Variants in SIM1 observed in about 807,000 individuals in gnomAD.
SIM1 encodes the protein single-minded homolog 1.
Under a neutral mutation model 78.2 loss-of-function variants are expected in SIM1, and 18 were observed. The ratio of observed to expected loss-of-function variants is 0.23; its 90% confidence interval spans 0.16 to 0.34. The LOEUF is 0.34. SIM1 is among the 10% of genes least tolerant of loss of function. The pLI, the probability that SIM1 is intolerant of heterozygous loss-of-function variation, is 1.00. For synonymous variants in SIM1, 417 were observed against 385.2 expected, an observed-to-expected ratio of 1.08 and a Z score of -0.97; for missense variants, 939 against 975.1, an observed-to-expected ratio of 0.96 and a Z score of 0.49.
intron 10 of SIM1, among the ~76,000 whole-genome samples, chr6:100,412,595 GAAA>G (rs1562239535): frequency 5.7e-4 from 51 of 89,276 alleles, no homozygotes; most frequent in Admixed American, 8.5e-4. Context: ...AAGAAAGAAA[GAAA>G]GAAAGAAAGA....
intron 10 of SIM1, among the ~76,000 whole-genome samples, chr6:100,407,276 T>C (rs1771074545): frequency 6.6e-6 from 1 of 152,188 alleles, no homozygotes; most frequent in African/African-American, 2.4e-5. Context: ...TTCATTTACT[T>C]TGTTGCAAAT....
intron 9 of SIM1, among the ~76,000 whole-genome samples, chr6:100,429,933 G>C (rs970480184): frequency 3.3e-5 from 5 of 152,106 alleles, no homozygotes; most frequent in African/African-American, 1.2e-4. Flanking sequence ...CTGTCTCAGT[G>C]CCTGCATGTT....
At chr6:100,446,217 G>T (rs1772349171) in intron 9 of SIM1, among the ~76,000 whole-genome samples, 1 of 152,004 alleles carries the variant, frequency 6.6e-6, no homozygotes, top group East Asian at 1.9e-4. Flanking sequence ...TTTTAATTTG[G>T]CAATTTAAAA....
chr6:100,453,955 C>T (rs1772582034), intron 2 of SIM1, 111 bp from the exon 3 acceptor site: 1 of 656,598 alleles, frequency 1.5e-6, no homozygotes, highest in African/African-American at 1.9e-5. Context: ...GACTGGATAC[C>T]ATAGGGGATC....
Position 100,450,341 on chromosome 6 carries a change from T to A in SIM1, c.274A>T (p.Ile92Phe). 1 of 1,614,034 alleles carries A rather than the reference T, an allele frequency of 6.2e-7. No individual in the cohort carries two copies. The highest frequency in any genetic ancestry group is 8.5e-7 in the Non-Finnish European group (1 of 1,180,000). The change falls in exon 4 of 12, where the codon ATC (isoleucine) becomes TTC (phenylalanine). Residue 92 changes from isoleucine (I) to phenylalanine (F), a missense_variant. By Grantham distance (21) the Ile-to-Phe change is conservative. Transcript: ENST00000369208. ...TTCCCATCTGGGGCTACCACGAAGATGAAGCCATCCAGGGTCTGGGGAGGC... is the reference window on the plus strand; with the variant it reads ...TTCCCATCTGGGGCTACCACGAAGAAGAAGCCATCCAGGGTCTGGGGAGGC... ...SHLLQTLDGFIFVVAPDGKIM... is the reference protein window; with the variant it reads ...SHLLQTLDGFFFVVAPDGKIM...
chr6:100,412,392 C>T (rs1771212213), intron 10 of SIM1, among the ~76,000 whole-genome samples: 1 of 151,288 alleles, frequency 6.6e-6, no homozygotes, highest in Admixed American at 6.6e-5. Context: ...CAAAAATTAG[C>T]CAGCCGTGGT....
intron 4 of SIM1, 35 bp from the exon 5 acceptor site, chr6:100,449,734 G>T: frequency 6.5e-7 from 1 of 1,548,358 alleles, no homozygotes; most frequent in Non-Finnish European, 8.9e-7. Context: ...CGCCGTGGCG[G>T]TGGAATGCCC....
chr6:100,457,032 G>C (rs1398839559), intron 2 of SIM1, among the ~76,000 whole-genome samples: 1 of 152,180 alleles, frequency 6.6e-6, no homozygotes, highest in Non-Finnish European at 1.5e-5. Context: ...ATGAGCCCCA[G>C]TCTAGTGTGA....
chr6:100,394,652 G>A (rs1271804157), intron 10 of SIM1, among the ~76,000 whole-genome samples: 1 of 151,976 alleles, frequency 6.6e-6, no homozygotes. Context: ...CAATTCTCCC[G>A]CCTCAGCCTT....
intron 3 of SIM1, among the ~76,000 whole-genome samples, chr6:100,452,015 G>A (rs552097520): frequency 6.6e-6 from 1 of 152,306 alleles, no homozygotes; most frequent in South Asian, 2.1e-4. Flanking sequence ...TGGCCTTGAA[G>A]CTGTAACAGG....
At chr6:100,436,093 A>T (rs1234284628) in intron 9 of SIM1, among the ~76,000 whole-genome samples, 2 of 152,108 alleles carry the variant, frequency 1.3e-5, no homozygotes, top group Non-Finnish European at 2.9e-5. Context: ...AAAGCAGTCT[A>T]ACCACACCTG....
At chr6:100,463,201 TATGC>T (rs1562067048) in intron 2 of SIM1, 89 bp downstream of exon 2, 9 of 259,290 alleles carry the variant, frequency 3.5e-5, no homozygotes, top group Admixed American at 1.7e-4. Flanking sequence ...TGTAAATATG[TATGC>T]ATTTCTCTGG....
At chr6:100,416,543 CA>C (rs912340225) in intron 10 of SIM1, among the ~76,000 whole-genome samples, 3 of 151,300 alleles carry the variant, frequency 2.0e-5, no homozygotes, top group Non-Finnish European at 4.4e-5. Flanking sequence ...ATTTGCATGC[CA>C]AAAATATGTA....
chr6:100,418,655 G>C (rs1206130463), intron 10 of SIM1, among the ~76,000 whole-genome samples: 1 of 151,986 alleles, frequency 6.6e-6, no homozygotes, highest in African/African-American at 2.4e-5. Flanking sequence ...TATTTTTGTG[G>C]CTTAATTTCT....
At chr6:100,391,406 G>T (rs1052772137) in intron 11 of SIM1, among the ~76,000 whole-genome samples, 2 of 152,166 alleles carry the variant, frequency 1.3e-5, no homozygotes, top group Non-Finnish European at 2.9e-5. Context: ...CTTCTCCATG[G>T]ATATATGTTA....
intron 2 of SIM1, among the ~76,000 whole-genome samples, chr6:100,458,301 G>C (rs1307379433): frequency 1.3e-5 from 2 of 152,162 alleles, no homozygotes; most frequent in Admixed American, 6.5e-5. Context: ...CCGGGTCTTC[G>C]AATGCGGCCC....
At chr6:100,421,176 A>G (rs1771571419) in intron 9 of SIM1, among the ~76,000 whole-genome samples, 1 of 152,194 alleles carries the variant, frequency 6.6e-6, no homozygotes, top group African/African-American at 2.4e-5. Context: ...CGTTAAGTGG[A>G]AAATAAACAC....
intron 9 of SIM1, among the ~76,000 whole-genome samples, chr6:100,423,567 C>T (rs1464409712): frequency 5.9e-5 from 9 of 152,158 alleles, no homozygotes; most frequent in African/African-American, 1.9e-4. Context: ...GATTCTAAGT[C>T]CCTAGAGGAC....
At chr6:100,450,008 T>C (rs1302199676) in intron 4 of SIM1, among the ~76,000 whole-genome samples, 1 of 152,158 alleles carries the variant, frequency 6.6e-6, no homozygotes, top group African/African-American at 2.4e-5. Context: ...GAAATAAGTA[T>C]GTAACGTCCT....
Sources: gnomAD v4.1 joint callset for allele counts (sites outside exome capture counted in the v4.1 genomes callset) on GRCh38, gnomAD v4.1.1 for gene constraint, MANE v1.5 for transcripts, NCBI Gene and HGNC (gene_info 2026-07-23, HGNC 2026-07-21) for gene names.